The following CDH18 variants were observed in gnomAD, a reference collection of about 807,000 sequenced individuals.
CDH18 encodes cadherin 18.
CDH18 carries 31 observed loss-of-function variants against 67.9 expected under a neutral mutation model. The observed-to-expected ratio is 0.46, with a 90% CI of 0.34 to 0.62. The LOEUF is 0.62. Among genes scored for constraint, CDH18 ranks in the 20% least tolerant of loss-of-function variants. The pLI, the probability that CDH18 is intolerant of heterozygous loss-of-function variation, is 0.01. For missense variants in CDH18, 890 were observed against 975.5 expected, an observed-to-expected ratio of 0.91 and a Z score of 1.17; for synonymous variants, 362 against 347.2, an observed-to-expected ratio of 1.04 and a Z score of -0.48.
chr5:20,548,337 C>T (rs977773286), intron 1 of CDH18, among the ~76,000 whole-genome samples: 3 of 151,436 alleles, frequency 2.0e-5, no homozygotes, highest in Non-Finnish European at 2.9e-5. Flanking sequence ...GTTGCAATAC[C>T]GACATTTTAT....
intron 3 of CDH18, among the ~76,000 whole-genome samples, chr5:19,760,026 A>G (rs1772127686): frequency 2.0e-5 from 3 of 152,154 alleles, no homozygotes; most frequent in Non-Finnish European, 4.4e-5. Context: ...CTAGGGACAC[A>G]GTGATTAATT....
At chr5:19,899,922 A>G (rs921813839) in intron 2 of CDH18, among the ~76,000 whole-genome samples, 2 of 152,120 alleles carry the variant, frequency 1.3e-5, no homozygotes, top group Non-Finnish European at 2.9e-5. Context: ...GGTGGCTTCC[A>G]GGGCCTGGAA....
intron 2 of CDH18, among the ~76,000 whole-genome samples, chr5:20,093,520 T>G (rs1745626316): frequency 6.6e-6 from 1 of 152,148 alleles, no homozygotes; most frequent in Non-Finnish European, 1.5e-5. Context: ...TACATTAAAC[T>G]CAAAGATTTT....
At chr5:19,833,154 T>A (rs1781247517) in intron 3 of CDH18, among the ~76,000 whole-genome samples, 1 of 152,182 alleles carries the variant, frequency 6.6e-6, no homozygotes, top group Non-Finnish European at 1.5e-5. Flanking sequence ...TTCCTATCCA[T>A]GAGGATGGAA....
At chr5:19,488,873 A>G (rs13170473) in intron 11 of CDH18, among the ~76,000 whole-genome samples, 35,161 of 152,080 alleles carry the variant, frequency 0.23, 4,518 homozygotes, top group African/African-American at 0.34. Flanking sequence ...TGAATCTTAC[A>G]GTGGCTTAAT....
chr5:20,573,885 TA>T (rs1758961890), intron 1 of CDH18, among the ~76,000 whole-genome samples: 1 of 125,274 alleles, frequency 8.0e-6, no homozygotes, highest in Admixed American at 7.6e-5. Context: ...TATTTATATA[TA>T]TAAAAGAAAT....
intron 2 of CDH18, among the ~76,000 whole-genome samples, chr5:19,947,282 C>T (rs904208952): frequency 1.3e-5 from 2 of 151,682 alleles, no homozygotes; most frequent in African/African-American, 4.8e-5. Context: ...CTGGAAATGA[C>T]CTAGTATAAG....
intron 1 of CDH18, among the ~76,000 whole-genome samples, chr5:20,267,603 G>T (rs947932429): frequency 2.6e-4 from 39 of 152,210 alleles, no homozygotes; most frequent in African/African-American, 9.1e-4. Context: ...TTTCCTTGCA[G>T]AGGTCTTTTA....
chr5:19,993,166 G>A (rs141107589), upstream of CDH18, among the ~76,000 whole-genome samples: 202 of 152,226 alleles, frequency 1.3e-3, 1 homozygote, highest in African/African-American at 4.7e-3. Flanking sequence ...CAAATATAAT[G>A]AAGTAGAAAT....
chr5:19,888,279 A>T (rs1361226297), intron 2 of CDH18, among the ~76,000 whole-genome samples: 2 of 152,274 alleles, frequency 1.3e-5, no homozygotes, highest in East Asian at 1.9e-4. Context: ...TTATTTTTTA[A>T]ATGGATGCTA....
At chr5:20,326,771 GA>G (rs1361959833) in intron 1 of CDH18, among the ~76,000 whole-genome samples, 1 of 152,116 alleles carries the variant, frequency 6.6e-6, no homozygotes, top group Non-Finnish European at 1.5e-5. Flanking sequence ...TCGATCTCCT[GA>G]CCTTGTGATC....
At chr5:19,739,062 A>T (rs1465851262) in intron 4 of CDH18, among the ~76,000 whole-genome samples, 1 of 152,176 alleles carries the variant, frequency 6.6e-6, no homozygotes, top group Non-Finnish European at 1.5e-5. Flanking sequence ...TATAAAATAA[A>T]TAAAAAGAAT....
At chr5:19,925,512 A>T (rs1206077199) in intron 2 of CDH18, among the ~76,000 whole-genome samples, 1 of 151,928 alleles carries the variant, frequency 6.6e-6, no homozygotes, top group Non-Finnish European at 1.5e-5. Flanking sequence ...CCTTTTTGAG[A>T]CAGAGTCTTG....
chr5:19,559,744 C>T (rs1241837735), intron 8 of CDH18, among the ~76,000 whole-genome samples: 2 of 151,762 alleles, frequency 1.3e-5, no homozygotes, highest in African/African-American at 4.8e-5. Context: ...TGACATGATC[C>T]TATACCTAGA....
At chr5:20,387,279 T>C (rs1744388714) in intron 1 of CDH18, among the ~76,000 whole-genome samples, 1 of 152,184 alleles carries the variant, frequency 6.6e-6, no homozygotes, top group Admixed American at 6.5e-5. Context: ...AAGAGGTCCT[T>C]CTTGTCCCTT....
At chr5:20,303,869 T>G (rs571603891) in intron 1 of CDH18, among the ~76,000 whole-genome samples, 1 of 152,032 alleles carries the variant, frequency 6.6e-6, no homozygotes, top group Non-Finnish European at 1.5e-5. Flanking sequence ...GAAGGGAGAG[T>G]GCGGTTTCTT....
At chr5:19,814,496 A>G (rs1307854944) in intron 3 of CDH18, among the ~76,000 whole-genome samples, 3 of 113,624 alleles carry the variant, frequency 2.6e-5, no homozygotes, top group African/African-American at 9.2e-5. Context: ...TATGTGTTAT[A>G]GAATATTTAG....
intron 2 of CDH18, among the ~76,000 whole-genome samples, chr5:19,927,626 G>GTTATTC: frequency 6.6e-6 from 1 of 152,030 alleles, no homozygotes; most frequent in Admixed American, 6.6e-5. Context: ...TTAGCAAAAT[G>GTTATTC]ATATTTTTAT....
At chr5:20,171,729 C>T (rs1270672495) in intron 2 of CDH18, among the ~76,000 whole-genome samples, 1 of 151,922 alleles carries the variant, frequency 6.6e-6, no homozygotes, top group Non-Finnish European at 1.5e-5. Flanking sequence ...AATTGGATGC[C>T]ATTTGTCAAT....
Sources: gnomAD v4.1 joint callset for allele counts (sites outside exome capture counted in the v4.1 genomes callset) on GRCh38, gnomAD v4.1.1 for gene constraint, MANE v1.5 for transcripts, NCBI Gene and HGNC (gene_info 2026-07-23, HGNC 2026-07-21) for gene names.